The following RABEP1 variants were observed in gnomAD, a reference collection of about 807,000 sequenced individuals.
RABEP1 encodes rab GTPase-binding effector protein 1.
In RABEP1, 51 loss-of-function variants were observed where a neutral mutation model predicts 123.4. The ratio of observed to expected loss-of-function variants is 0.41; its 90% CI spans 0.33 to 0.52. RABEP1 has a LOEUF of 0.52. RABEP1 is among the 20% of genes least tolerant of loss of function. The pLI, the probability that RABEP1 is intolerant of heterozygous loss-of-function variation, is 0.16. For missense variants in RABEP1, 888 were observed against 996.3 expected (o/e 0.89, Z 1.46); for synonymous variants, 347 against 355.2 (o/e 0.98, Z 0.26).
intron 10 of RABEP1, among the ~76,000 whole-genome samples, chr17:5,363,522 C>T (rs1416416334): frequency 7.9e-5 from 12 of 151,946 alleles, no homozygotes; most frequent in Admixed American, 7.9e-4. Context: ...TCGGCCAGGA[C>T]TCTGTTTTTG....
chr17:5,314,870 T>C (rs76762456), intron 2 of RABEP1, among the ~76,000 whole-genome samples: 2,738 of 152,284 alleles, frequency 0.018, 76 homozygotes, highest in African/African-American at 0.062. Context: ...TGATTCAGCT[T>C]TTCCTAAACT....
intron 1 of RABEP1, among the ~76,000 whole-genome samples, chr17:5,298,370 T>A (rs1388695136): frequency 6.6e-6 from 1 of 152,162 alleles, no homozygotes; most frequent in African/African-American, 2.4e-5. Flanking sequence ...CTAAGAGGTG[T>A]TTTTTGTTGC....
intron 2 of RABEP1, among the ~76,000 whole-genome samples, chr17:5,312,967 C>G (rs2075259276): frequency 1.3e-5 from 2 of 151,898 alleles, no homozygotes; most frequent in African/African-American, 4.8e-5. Flanking sequence ...ATTAGCTGGG[C>G]CTGGTGATGG....
chr17:5,352,189 AT>A (rs779036549), intron 7 of RABEP1, among the ~76,000 whole-genome samples: 435 of 144,810 alleles, frequency 3.0e-3, no homozygotes, highest in Non-Finnish European at 4.3e-3. Flanking sequence ...CAACATAAGG[AT>A]TTTTTTTTTT....
intron 3 of RABEP1, 56 bp from the exon 4 acceptor site, chr17:5,335,128 C>A: frequency 2.1e-6 from 3 of 1,431,104 alleles, no homozygotes; most frequent in Non-Finnish European, 2.8e-6. Context: ...TTTAGTGTGC[C>A]AGGTTATTTT....
Position 5,282,510 on chromosome 17 carries a change from C to T in RABEP1, c.24C>T (p.Ser8=). The part of the protein sequence containing the change: MAQPGPA[S]QPDVSLQQRV... ...TCATGGCGCAGCCGGGCCCGGCTTC[C>T]CAGCCTGACGGTGAGGCGCCCACCA... The change falls in exon 1 of 18, where the codon TCC becomes TCT. Residue 8 remains serine, a synonymous_variant. Coordinates refer to ENST00000537505, the MANE Select transcript of RABEP1 (RefSeq NM_004703.6). 1 of 1,255,092 alleles carries T rather than the reference C, an allele frequency of 8.0e-7. No homozygotes were observed. The highest frequency in any genetic ancestry group is 4.0e-5 in the Admixed American group (1 of 25,298). 77.7% of individuals were successfully genotyped at this position (1,255,092 alleles called of 1,614,324 possible).
chr17:5,363,215 TG>T (rs202093326), intron 10 of RABEP1, among the ~76,000 whole-genome samples, 199 bp downstream of exon 10: 1,706 of 150,000 alleles, frequency 0.011, 16 homozygotes, highest in Middle Eastern at 0.031. Context: ...TTTTTTTTTT[TG>T]TTTTTGTTTT....
In RABEP1 at chr17:5,298,080, C is replaced by A. The variant is rs1045675336; in HGVS notation, c.35-10614C>A. Among the ~76,000 whole-genome samples the A allele has an allele frequency of 2.0e-5, 3 of 152,196 alleles. No homozygotes were observed. In the South Asian group the frequency reaches 6.2e-4, roughly 31 times the overall value. ...ATTTATTAAAAATTCTGTTCCCTCT[C>A]TGTGTATGACCTTGCTATTTCGGAA... On this transcript the variant is annotated intron_variant, in intron 1 of 17. Coordinates refer to ENST00000537505, the MANE Select transcript of RABEP1 (RefSeq NM_004703.6).
chr17:5,316,787 C>T (rs981678430), intron 2 of RABEP1, among the ~76,000 whole-genome samples: 29 of 128,392 alleles, frequency 2.3e-4, no homozygotes, highest in Admixed American at 1.9e-3. Context: ...GAACTGAGAT[C>T]GCGCTACTGC....
chr17:5,335,550 A>T (rs578117213), intron 4 of RABEP1, among the ~76,000 whole-genome samples: 26 of 152,166 alleles, frequency 1.7e-4, no homozygotes, highest in South Asian at 8.3e-4. Flanking sequence ...AAATATCACT[A>T]CTTCATGGGG....
intron 9 of RABEP1, among the ~76,000 whole-genome samples, chr17:5,362,437 C>A (rs1331681417): frequency 6.6e-6 from 1 of 152,102 alleles, no homozygotes; most frequent in Admixed American, 6.6e-5. Context: ...TTAAGGAAGC[C>A]ACCGGTCAGT....
At chr17:5,334,050 GTT>G (rs574483910) in intron 3 of RABEP1, among the ~76,000 whole-genome samples, 33 of 138,722 alleles carry the variant, frequency 2.4e-4, no homozygotes, top group African/African-American at 4.2e-4. Context: ...TTACCTAGTG[GTT>G]TTTTTTTTTT....
rs566044577 is a variant in RABEP1 at position 5,341,689 on chromosome 17, C to A, written c.648+3551C>A. Among the ~76,000 whole-genome samples the A allele has an allele frequency of 5.9e-5, 9 of 152,252 alleles. No homozygotes were observed. In the Middle Eastern group the frequency reaches 0.017, roughly 288 times the overall value. ...AAATTATAGATCTGTCTCAGGAATA[C>A]AGAAGCTAAAATTTTCAACATCGTA... is the stretch of plus-strand genomic sequence containing the variant. On this transcript the variant is annotated intron_variant, in intron 5 of 17. Coordinates refer to ENST00000537505, the MANE Select transcript of RABEP1 (RefSeq NM_004703.6).
At chr17:5,371,363 TACTC>T (rs1172530046) in intron 12 of RABEP1, 1 of 152,252 alleles carries the variant, frequency 6.6e-6, no homozygotes, top group East Asian at 1.9e-4. Context: ...TAAAAATAAA[TACTC>T]AGCTCCATTT....
At chr17:5,300,134 A>G (rs2075123294) in intron 1 of RABEP1, among the ~76,000 whole-genome samples, 1 of 152,140 alleles carries the variant, frequency 6.6e-6, no homozygotes, top group Admixed American at 6.5e-5. Flanking sequence ...ATGCAGTTAG[A>G]TGGGAAGGAA....
intron 1 of RABEP1, among the ~76,000 whole-genome samples, chr17:5,294,633 C>CTTTTTGTTTTTTT (rs2075063836): frequency 1.9e-5 from 1 of 53,024 alleles, no homozygotes; most frequent in Non-Finnish European, 3.4e-5. Context: ...ACGGTATTGT[C>CTTTTTGTTTTTTT]TTTTTTTTTT....
chr17:5,377,265 A>C lies in RABEP1; in HGVS notation c.2175A>C (p.Glu725Asp), dbSNP rs1911066708. ...AGTGTTTAAAAGAAAATCTTGAAGA[A>C]ACTCTGCAACTAGAAATAGAAAACT... is the stretch of plus-strand genomic sequence containing the variant. ...AEQCLKENLE[E>D]TLQLEIENCK... Residue 725 changes from glutamate (E) to aspartate (D), a missense_variant, in exon 14 of 18, where the codon GAA becomes GAC. Glu to Asp is a conservative substitution (Grantham distance 45). Coordinates refer to ENST00000537505, the MANE Select transcript of RABEP1 (RefSeq NM_004703.6). 6.3e-7 allele frequency: 1 copy of C among 1,591,850 alleles called. No homozygotes were observed.
At chr17:5,363,097 C>T in intron 10 of RABEP1, 81 bp downstream of exon 10, 1 of 1,013,174 alleles carries the variant, frequency 9.9e-7, no homozygotes, top group Non-Finnish European at 1.6e-6. Context: ...CTCTCCGGCC[C>T]CAGCCCCATT....
At chr17:5,335,979 TACC>T (rs1597366844) in intron 4 of RABEP1, among the ~76,000 whole-genome samples, 1 of 152,180 alleles carries the variant, frequency 6.6e-6, no homozygotes, top group Non-Finnish European at 1.5e-5. Context: ...GGTTTCTGTG[TACC>T]ACATATTATG....
Sources: allele counts gnomAD v4.1 joint callset (sites outside exome capture counted in the v4.1 genomes callset), GRCh38; gene constraint gnomAD v4.1.1; transcripts MANE v1.5; gene names NCBI Gene and HGNC (gene_info 2026-07-23, HGNC 2026-07-21).